The following SOX5 variants were observed in gnomAD, a reference collection of about 807,000 sequenced individuals.
The protein encoded by SOX5 is SRY-box transcription factor 5, also known as transcription factor SOX-5.
Under a neutral mutation model 92.0 loss-of-function variants are expected in SOX5, and 9 were observed. The ratio of observed to expected loss-of-function variants is 0.10; its 90% CI spans 0.06 to 0.17. The LOEUF is 0.17. Among genes scored for constraint, SOX5 ranks in the 10% least tolerant of loss-of-function variants. SOX5 has a pLI of 1.00. For missense variants in SOX5, 642 were observed against 944.5 expected, an observed-to-expected ratio of 0.68 and a Z score of 4.20; for synonymous variants, 344 against 336.3, an observed-to-expected ratio of 1.02 and a Z score of -0.25.
At chr12:23,896,714 T>TAAAAAAAAAAA (rs11306331) in intron 1 of SOX5, among the ~76,000 whole-genome samples, 1 of 123,830 alleles carries the variant, frequency 8.1e-6, no homozygotes, top group Non-Finnish European at 1.8e-5. Context: ...TGCAAGGTAG[T>TAAAAAAAAAAA]AAAAAAAAAA....
At chr12:24,471,995 T>C (rs1944869979) in intron 1 of SOX5, among the ~76,000 whole-genome samples, 1 of 152,190 alleles carries the variant, frequency 6.6e-6, no homozygotes, top group African/African-American at 2.4e-5. Context: ...CACCAAACCA[T>C]ACTCAATTTA....
chr12:24,034,064 T>A (rs1254916342), intron 4 of SOX5, among the ~76,000 whole-genome samples: 1 of 152,048 alleles, frequency 6.6e-6, no homozygotes, highest in East Asian at 1.9e-4. Flanking sequence ...TCTCAGACTT[T>A]AGAGAAACAT....
chr12:24,119,660 C>T (rs930515895), intron 4 of SOX5, among the ~76,000 whole-genome samples: 5 of 151,984 alleles, frequency 3.3e-5, no homozygotes, highest in Non-Finnish European at 5.9e-5. Flanking sequence ...TTGAATTTTA[C>T]AAACCTATTA....
At chr12:23,693,115 ATT>A (rs72509865) in intron 6 of SOX5, among the ~76,000 whole-genome samples, 26 of 9,714 alleles carry the variant, frequency 2.7e-3, no homozygotes, top group South Asian at 0.03. Flanking sequence ...ATTTTTAATT[ATT>A]TTATTATTGT....
chr12:23,640,578 T>C (rs1425139188), intron 8 of SOX5, among the ~76,000 whole-genome samples: 2 of 152,332 alleles, frequency 1.3e-5, no homozygotes, highest in East Asian at 1.9e-4. Flanking sequence ...GCTCACTTTC[T>C]TAATAATACC....
At chr12:23,914,796 G>A (rs1473985105) in intron 1 of SOX5, among the ~76,000 whole-genome samples, 1 of 151,936 alleles carries the variant, frequency 6.6e-6, no homozygotes, top group African/African-American at 2.4e-5. Context: ...GAAAATTCTA[G>A]ATGAAAATAC....
chr12:23,657,897 T>C (rs1025214834), intron 7 of SOX5, among the ~76,000 whole-genome samples: 17 of 152,328 alleles, frequency 1.1e-4, no homozygotes, highest in African/African-American at 4.1e-4. Context: ...GACATTCTGA[T>C]GTTCTTAAAT....
chr12:24,316,950 T>C (rs1341589251), intron 2 of SOX5, among the ~76,000 whole-genome samples: 5 of 152,156 alleles, frequency 3.3e-5, no homozygotes, highest in Admixed American at 3.3e-4. Context: ...TTTTAAATGA[T>C]GGTAACCCTT....
Position 23,531,757 on chromosome 12 carries a change from G to A in SOX5, c.*2462C>T, listed in dbSNP as rs1001642348. On this transcript the variant is annotated 3_prime_UTR_variant, in exon 15 of 15. Coordinates refer to ENST00000451604, the MANE Select transcript of SOX5 (RefSeq NM_006940.6). ...ATTAAATAACTAAAATGAGTGATGA[G>A]AGCATAAGTTAATTAAGATTGAACA... is the stretch of plus-strand genomic sequence containing the variant. 5 of 151,922 alleles carry A rather than the reference G, an allele frequency of 3.3e-5. No homozygotes were observed. The highest frequency in any genetic ancestry group is 4.4e-5 in the Non-Finnish European group (3 of 68,004). 9.4% of individuals were successfully genotyped at this position (151,922 alleles called of 1,614,324 possible).
chr12:24,106,269 T>A (rs1261689629), intron 4 of SOX5, among the ~76,000 whole-genome samples: 1 of 150,114 alleles, frequency 6.7e-6, no homozygotes, highest in Non-Finnish European at 1.5e-5. Context: ...ATGGGCAAAA[T>A]ATTTAATCAA....
intron 3 of SOX5, among the ~76,000 whole-genome samples, chr12:24,218,566 G>A (rs1039279758): frequency 1.3e-5 from 2 of 152,056 alleles, no homozygotes; most frequent in Non-Finnish European, 2.9e-5. Context: ...TGGTGACACT[G>A]AATAATCCAT....
chr12:24,348,364 C>CTATTTACTTATT (rs1555244289), intron 2 of SOX5, among the ~76,000 whole-genome samples: 2 of 142,676 alleles, frequency 1.4e-5, no homozygotes, highest in Non-Finnish European at 3.0e-5. Context: ...CTATTGACTC[C>CTATTTACTTATT]TATTTATTTA....
At chr12:23,940,781 CACAA>C (rs1017475596) in intron 1 of SOX5, among the ~76,000 whole-genome samples, 2 of 147,942 alleles carry the variant, frequency 1.4e-5, no homozygotes, top group Admixed American at 6.8e-5. Context: ...CACACACACA[CACAA>C]ACTCATTCAT....
At chr12:23,881,594 A>C (rs2096990559) in intron 2 of SOX5, among the ~76,000 whole-genome samples, 1 of 152,206 alleles carries the variant, frequency 6.6e-6, no homozygotes, top group Non-Finnish European at 1.5e-5. Context: ...GGAGCGATTA[A>C]ACTGATGTCT....
At chr12:24,067,715 A>G (rs1205358713) in intron 4 of SOX5, among the ~76,000 whole-genome samples, 1 of 152,200 alleles carries the variant, frequency 6.6e-6, no homozygotes, top group Non-Finnish European at 1.5e-5. Flanking sequence ...CTTTTCTTTG[A>G]TAGCTCTCAA....
intron 4 of SOX5, among the ~76,000 whole-genome samples, chr12:24,029,593 G>A (rs1592490059): frequency 1.3e-5 from 2 of 151,636 alleles, no homozygotes; most frequent in East Asian, 3.9e-4. Flanking sequence ...TCTTTAGATA[G>A]AACTCAGTTT....
At chr12:23,570,771 C>G (rs1432492468) in intron 10 of SOX5, among the ~76,000 whole-genome samples, 3 of 150,348 alleles carry the variant, frequency 2.0e-5, no homozygotes, top group Non-Finnish European at 4.4e-5. Flanking sequence ...ATTAGCCGGG[C>G]GTGGTGGCAG....
rs375660259 is a variant in SOX5, at chr12:24,125,339, C to T, written c.-2+88004G>A. 4.9e-4 allele frequency among the ~76,000 whole-genome samples: 74 copies of T among 152,292 alleles called. No homozygotes were observed. The East Asian group carries it at 7.0e-3, about 14-fold the overall frequency. ...TTTCCCTGAATCCCAATCACTCCCA[C>T]TTCCAAACCCCTTTCTTCTCCTTTT... On this transcript the variant is annotated intron_variant, in intron 4 of 4. Transcript: ENST00000446891.
At position 23,537,947 on chromosome 12, in the gene SOX5, T is replaced by G. The variant is rs1022594814; in HGVS notation, c.1772-1278A>C. ...GGCAGCCCTCAGTAGTAATAGCGTT[T>G]TTTTTTTTTTAATAGTGATTTAAAA... is the stretch of plus-strand genomic sequence containing the variant. On this transcript the variant is annotated intron_variant, in intron 13 of 14. Coordinates refer to ENST00000451604, the MANE Select transcript of SOX5 (RefSeq NM_006940.6). 3.0e-3 allele frequency among the ~76,000 whole-genome samples: 389 copies of G among 130,358 alleles called. 1 individual carries two copies. The highest frequency in any genetic ancestry group is 9.2e-3 in the African/African-American group (362 of 39,472). 85.5% of individuals were successfully genotyped at this position (130,358 alleles called of 152,430 possible).
Sources: gnomAD v4.1 joint callset for allele counts (sites outside exome capture counted in the v4.1 genomes callset) on GRCh38, gnomAD v4.1.1 for gene constraint, MANE v1.5 for transcripts, NCBI Gene and HGNC (gene_info 2026-07-23, HGNC 2026-07-21) for gene names.